Variants in KNG1 observed in about 807,000 individuals in gnomAD.
The protein encoded by KNG1 is kininogen 1, also known as kininogen-1.
In KNG1, 23 loss-of-function variants were observed where a neutral mutation model predicts 47.8. That is an observed-to-expected ratio of 0.48 (90% CI 0.35 to 0.68). The LOEUF (loss-of-function observed/expected upper bound fraction) is 0.68, where lower values mean the gene tolerates loss of function less well. Among genes scored for constraint, KNG1 ranks in the 30% least tolerant of loss-of-function variants. KNG1 has a pLI of 0.01. For missense variants in KNG1, 762 were observed against 790.2 expected (o/e 0.96, Z 0.43); for synonymous variants, 277 against 277.0 (o/e 1.00, Z 0.00).
intron 9 of KNG1, 140 bp downstream of exon 9, chr3:186,739,554 G>A (rs1720754584): frequency 1.4e-6 from 1 of 716,010 alleles, no homozygotes; most frequent in Non-Finnish European, 2.6e-6. Flanking sequence ...ACACTTCTGT[G>A]CTGATCTCTG....
At chr3:186,722,629 T>A in intron 3 of KNG1, 108 bp downstream of exon 3, 1 of 888,402 alleles carries the variant, frequency 1.1e-6, no homozygotes, top group Non-Finnish European at 1.8e-6. Context: ...GTGGCAGTAG[T>A]AAAGCCATTT....
chr3:186,732,329 AAAG>A (rs1265878882), intron 6 of KNG1, among the ~76,000 whole-genome samples, 170 bp from the exon 7 acceptor site: 11 of 152,190 alleles, frequency 7.2e-5, no homozygotes, highest in African/African-American at 2.7e-4. Context: ...GAGGAGGAGA[AAAG>A]AAGAGAGGCA....
chr3:186,742,114 T>C lies in KNG1; in HGVS notation c.1718T>C (p.Met573Thr), dbSNP rs1720830771. ...FQDSDLIATM[M>T]PPISPAPIQS... ...GACTCTGATCTCATTGCAACTATGA[T>C]GCCTCCTATATCACCAGCTCCCATA... The change falls in exon 10 of 10, where the codon ATG becomes ACG. Residue 573 changes from methionine to threonine, a missense_variant. By Grantham distance (81) the Met-to-Thr change is moderately conservative. Transcript: ENST00000644859. The C allele has an allele frequency of 1.2e-6, 2 of 1,614,162 alleles. No homozygotes were observed. The highest frequency in any genetic ancestry group is 1.7e-6 in the Non-Finnish European group (2 of 1,180,012).
Position 186,720,042 on chromosome 3 carries a change from C to A in KNG1, c.196-63C>A. The A allele has an allele frequency of 3.0e-6, 3 of 986,818 alleles. No homozygotes were observed. In the South Asian group the frequency reaches 3.8e-5, roughly 13 times the overall value. The allele number at this position is 986,818 out of a possible 1,614,324, so 61.1% of individuals were successfully genotyped here. ...CAATATTCCTAACTTTACCGGAACC[C>A]ACTAGAATTATTTGCTGTTGGGTCA... On this transcript the variant is annotated intron_variant, in intron 1 of 9. Transcript: ENST00000644859.
Position 186,722,419 on chromosome 3 carries a change from T to G in KNG1, c.307-18T>G. The G allele has an allele frequency of 1.3e-6, 2 of 1,592,248 alleles. No homozygotes were observed. Among genetic ancestry groups the G allele is most frequent in the Non-Finnish European group, 1.7e-6 (2 of 1,160,344 alleles). ...ATCTGAAAGATTAAGATAAATGATC[T>G]CTTTCTTTTCTTTTTAGGCCACTGG... On this transcript the variant is annotated intron_variant, in intron 2 of 9. Transcript: ENST00000644859.
chr3:186,732,616 C>A lies in KNG1; in HGVS notation c.872C>A (p.Ala291Glu), dbSNP rs762165750. 6.2e-7 allele frequency: 1 copy of A among 1,614,034 alleles called. No individual in the cohort carries two copies. The highest frequency in any genetic ancestry group is 1.7e-5 in the Admixed American group (1 of 60,010). The change falls in exon 7 of 10, where the codon GCA becomes GAA. Residue 291 changes from alanine (A) to glutamate (E), a missense_variant. By Grantham distance (107) the Ala-to-Glu change is moderately radical. Coordinates refer to ENST00000644859, the MANE Select transcript of KNG1 (RefSeq NM_001102416.3). The part of the protein sequence containing the change: ...TLTHTITKLN[A>E]ENNATFYFKI... ...ACTCACACCATCACAAAGCTTAATG[C>A]AGAGAATAACGCAACTTTCTATTTC...
At chr3:186,722,216 C>T (rs1579114171) in intron 2 of KNG1, 1 of 510,696 alleles carries the variant, frequency 2.0e-6, no homozygotes, top group Non-Finnish European at 3.5e-6. Context: ...TCATCATTTA[C>T]ACTGTCTTTC....
chr3:186,725,820 C>T (rs897037356), intron 4 of KNG1, among the ~76,000 whole-genome samples: 10 of 151,334 alleles, frequency 6.6e-5, no homozygotes, highest in Admixed American at 1.3e-4. Context: ...ATCACCTAGC[C>T]ATCATGACTT....
At chr3:186,718,721 AG>A (rs940702233) in intron 1 of KNG1, among the ~76,000 whole-genome samples, 1 of 152,006 alleles carries the variant, frequency 6.6e-6, no homozygotes, top group Admixed American at 6.6e-5. Context: ...CTTTAATGGG[AG>A]GGGGTACTTC....
At position 186,741,798 on chromosome 3, in the gene KNG1, C is replaced by T; in HGVS notation, c.1402C>T (p.Gln468Ter). Residue 468 changes from glutamine (Q) to a stop codon, truncating the protein, a stop_gained, in exon 10 of 10, where the codon CAG becomes TAG. Transcript: ENST00000644859. LOFTEE classifies it low-confidence loss of function (END_TRUNC). Reference sequence around the variant, plus strand: ...TGGCCTTGGCCATGGACACGAACAACAGCATGGTCTTGGTCATGGACATAA... The same window carrying T: ...TGGCCTTGGCCATGGACACGAACAATAGCATGGTCTTGGTCATGGACATAA... ...GHGLGHGHEQ[Q>*]HGLGHGHKFK... The T allele has an allele frequency of 1.2e-6, 2 of 1,613,918 alleles. No individual in the cohort carries two copies. The highest frequency in any genetic ancestry group is 1.7e-5 in the Admixed American group (1 of 59,950).
intron 6 of KNG1, among the ~76,000 whole-genome samples, chr3:186,732,051 G>A (rs1176827410): frequency 6.6e-6 from 1 of 152,174 alleles, no homozygotes; most frequent in Non-Finnish European, 1.5e-5. Flanking sequence ...GATAGTGTGA[G>A]TTTGTGGTCA....
At chr3:186,737,574 C>T (rs189973728) in intron 7 of KNG1, among the ~76,000 whole-genome samples, 16 of 151,920 alleles carry the variant, frequency 1.1e-4, no homozygotes, top group Non-Finnish European at 1.9e-4. Flanking sequence ...TTTTGTTTCC[C>T]GAAACAGAGT....
intron 4 of KNG1, among the ~76,000 whole-genome samples, chr3:186,726,088 G>T (rs1231091381): frequency 6.6e-6 from 1 of 151,656 alleles, no homozygotes; most frequent in Non-Finnish European, 1.5e-5. Context: ...TCATCACCAT[G>T]TCTTGCTAAT....
At position 186,743,024 on chromosome 3, in the gene KNG1, T is replaced by C. The variant is rs1339785354; in HGVS notation, c.*693T>C. 1.2e-6 allele frequency: 1 copy of C among 858,264 alleles called. No individual in the cohort carries two copies. The highest frequency in any genetic ancestry group is 1.4e-6 in the Non-Finnish European group (1 of 713,778). 53.2% of individuals were successfully genotyped at this position (858,264 alleles called of 1,614,324 possible). A position where few individuals can be genotyped will look rare whatever the true frequency, so the allele number is the denominator to read the frequency against. ...CTATTCCCAAAATGGGCTAGTTATATCAAATAAATACTCCCACTGCCCTTT... is the reference window on the plus strand; with the variant it reads ...CTATTCCCAAAATGGGCTAGTTATACCAAATAAATACTCCCACTGCCCTTT... On this transcript the variant is annotated 3_prime_UTR_variant, in exon 10 of 10. Transcript: ENST00000644859.
chr3:186,743,149 G>C lies in KNG1; in HGVS notation c.*818G>C, dbSNP rs1223783091. The stretch of plus-strand genomic sequence containing the variant: ...TAGAAGTATTCTGTTTATTTTTGCT[G>C]AGCCTAGATTGAGTAATTCTTAGTT... On this transcript the variant is annotated 3_prime_UTR_variant, in exon 10 of 10. Coordinates refer to ENST00000644859, the MANE Select transcript of KNG1 (RefSeq NM_001102416.3). 1.8e-5 allele frequency: 3 copies of C among 164,926 alleles called. No homozygotes were observed. The highest frequency in any genetic ancestry group is 7.2e-5 in the African/African-American group (3 of 41,586). 10.2% of individuals were successfully genotyped at this position (164,926 alleles called of 1,614,324 possible). A position where few individuals can be genotyped will look rare whatever the true frequency, so the allele number is the denominator to read the frequency against.
intron 1 of KNG1, among the ~76,000 whole-genome samples, chr3:186,719,756 G>A (rs1320061949): frequency 6.6e-6 from 1 of 151,462 alleles, no homozygotes; most frequent in African/African-American, 2.4e-5. Context: ...ATGTTTGCTT[G>A]AAGAAGAAAG....
chr3:186,725,968 T>C (rs1720358962), intron 4 of KNG1, among the ~76,000 whole-genome samples: 1 of 151,292 alleles, frequency 6.6e-6, no homozygotes. Context: ...AGTCTCGCTC[T>C]GTTGCCTAGG....
intron 7 of KNG1, chr3:186,736,805 C>T (rs1720680250): frequency 6.6e-6 from 1 of 152,200 alleles, no homozygotes; most frequent in Non-Finnish European, 1.5e-5. Flanking sequence ...AATCCCAGCA[C>T]TTTGGGGGGC....
intron 3 of KNG1, among the ~76,000 whole-genome samples, chr3:186,723,266 A>C (rs1720256427): frequency 6.6e-6 from 1 of 152,192 alleles, no homozygotes; most frequent in Admixed American, 6.5e-5. Context: ...ATGAATTGGT[A>C]ATATTTCAAG....
Sources: gnomAD v4.1 joint callset for allele counts (sites outside exome capture counted in the v4.1 genomes callset) on GRCh38, gnomAD v4.1.1 for gene constraint, MANE v1.5 for transcripts, NCBI Gene and HGNC (gene_info 2026-07-23, HGNC 2026-07-21) for gene names.